SV2C: variants seen among roughly 807,000 people sequenced by gnomAD.
The protein encoded by SV2C is synaptic vesicle glycoprotein 2C.
Under a neutral mutation model 79.7 loss-of-function variants are expected in SV2C, and 49 were observed. The observed-to-expected ratio is 0.61, with a 90% CI of 0.49 to 0.78. The LOEUF is 0.78. Ranked by LOEUF, SV2C falls within the 30% of genes least tolerant of loss-of-function variation. The pLI, the probability that SV2C is intolerant of heterozygous loss-of-function variation, is 0.00. For missense variants in SV2C, 833 were observed against 912.9 expected (o/e 0.91, Z 1.13); for synonymous variants, 334 against 333.2 (o/e 1.00, Z -0.03).
chr5:76,185,101 A>T lies in SV2C; in HGVS notation c.581-9818A>T, dbSNP rs115737432. On this transcript the variant is annotated intron_variant, in intron 2 of 12. Transcript: ENST00000502798. ...CAGGCCCCATGTGAGTCCAAAATCC[A>T]GTAGGTCAGTAGTTAAACCTTAACA... Among the ~76,000 whole-genome samples, 623 of 152,378 alleles carry T rather than the reference A, an allele frequency of 4.1e-3. 5 individuals are homozygous for T. The highest frequency in any genetic ancestry group is 0.014 in the African/African-American group (599 of 41,594).
the SV2C span, among the ~76,000 whole-genome samples, chr5:76,016,242 T>G: frequency 1.3e-5 from 1 of 79,400 alleles, no homozygotes; most frequent in African/African-American, 7.7e-5. Context: ...AAGGTCTCCT[T>G]TTTTAATTTT....
chr5:76,315,491 T>C (rs537607295), intron 12 of SV2C, among the ~76,000 whole-genome samples: 145 of 152,280 alleles, frequency 9.5e-4, no homozygotes, highest in Non-Finnish European at 4.9e-4. Flanking sequence ...GTACCGGTCC[T>C]GAGAAGAGGT....
chr5:75,850,330 T>G, the SV2C span, among the ~76,000 whole-genome samples: 1 of 152,330 alleles, frequency 6.6e-6, no homozygotes, highest in Non-Finnish European at 1.5e-5. Flanking sequence ...TGATCATGTT[T>G]TTCACTTCTG....
the SV2C span, among the ~76,000 whole-genome samples, chr5:75,895,728 T>C: frequency 6.6e-6 from 1 of 152,214 alleles, no homozygotes; most frequent in African/African-American, 2.4e-5. Context: ...GTTGCTTCTT[T>C]TTCACTCCTG....
intron 12 of SV2C, among the ~76,000 whole-genome samples, chr5:76,320,251 G>A (rs1748785589): frequency 1.3e-5 from 2 of 151,674 alleles, no homozygotes; most frequent in South Asian, 4.1e-4. Context: ...GCAGAACTAT[G>A]GAAACAGTAA....
At chr5:75,983,881 C>T in the SV2C span, among the ~76,000 whole-genome samples, 2 of 152,112 alleles carry the variant, frequency 1.3e-5, no homozygotes, top group Non-Finnish European at 2.9e-5. Flanking sequence ...CTCCTTCTTG[C>T]AATGGTTTGC....
intron 2 of SV2C, among the ~76,000 whole-genome samples, chr5:76,164,851 C>G (rs972869119): frequency 6.6e-6 from 1 of 151,764 alleles, no homozygotes; most frequent in African/African-American, 2.4e-5. Flanking sequence ...GCTCAAGTCC[C>G]TTATATAAAA....
At chr5:76,119,147 G>T (rs1302719595) in intron 1 of SV2C, among the ~76,000 whole-genome samples, 1 of 152,078 alleles carries the variant, frequency 6.6e-6, no homozygotes. Context: ...AATGAATTAT[G>T]GTGTACCATA....
chr5:76,245,928 G>GTGTA (rs1554042665), intron 4 of SV2C, among the ~76,000 whole-genome samples: 1 of 140,252 alleles, frequency 7.1e-6, no homozygotes, highest in Non-Finnish European at 1.5e-5. Context: ...GTGTGTGTGT[G>GTGTA]TGTGTGTATG....
intron 2 of SV2C, among the ~76,000 whole-genome samples, chr5:76,154,952 G>A (rs1364504482): frequency 6.6e-6 from 1 of 152,128 alleles, no homozygotes; most frequent in Admixed American, 6.5e-5. Context: ...GAGGAGGGTA[G>A]ATAAAAGAAG....
intron 1 of SV2C, among the ~76,000 whole-genome samples, chr5:76,118,632 T>C (rs1010458441): frequency 1.3e-5 from 2 of 152,178 alleles, no homozygotes; most frequent in Admixed American, 1.3e-4. Context: ...TACATGCTTC[T>C]GGAATTATAA....
chr5:76,272,625 GT>G (rs1455433702), intron 4 of SV2C, among the ~76,000 whole-genome samples: 1 of 151,240 alleles, frequency 6.6e-6, no homozygotes, highest in African/African-American at 2.4e-5. Context: ...TTTGTTTTTT[GT>G]TTTGAAAGTA....
intron 2 of SV2C, among the ~76,000 whole-genome samples, chr5:76,176,146 G>A (rs1311042789): frequency 1.3e-5 from 2 of 152,148 alleles, no homozygotes; most frequent in African/African-American, 4.8e-5. Context: ...GGGAGCCAAA[G>A]TTTACTACGT....
chr5:75,911,848 A>G, the SV2C span: 1 of 544,656 alleles, frequency 1.8e-6, no homozygotes, highest in Admixed American at 1.9e-5. Flanking sequence ...ATAGGTATCT[A>G]CAAGTGAAAA....
intron 4 of SV2C, among the ~76,000 whole-genome samples, chr5:76,262,824 A>G (rs1746520528): frequency 1.3e-5 from 2 of 152,106 alleles, no homozygotes; most frequent in South Asian, 4.1e-4. Context: ...GTTCTTTTGC[A>G]TTTGCTGAGG....
At chr5:76,100,422 A>G (rs1406863929) in intron 1 of SV2C, among the ~76,000 whole-genome samples, 1 of 152,240 alleles carries the variant, frequency 6.6e-6, no homozygotes, top group Admixed American at 6.5e-5. Context: ...AAGTCACACT[A>G]GTGATTTAAT....
intron 12 of SV2C, among the ~76,000 whole-genome samples, chr5:76,305,693 C>T (rs1324286809): frequency 6.6e-6 from 1 of 152,204 alleles, no homozygotes; most frequent in East Asian, 1.9e-4. Context: ...CTGAATAGCA[C>T]TTTTCTGTGC....
chr5:76,080,416 G>A (rs1746967448), upstream of SV2C, among the ~76,000 whole-genome samples: 7 of 152,100 alleles, frequency 4.6e-5, no homozygotes. Context: ...TGGAAGCCAG[G>A]TGTAACTCTG....
chr5:76,228,352 G>A (rs1745316524), intron 4 of SV2C, among the ~76,000 whole-genome samples: 1 of 152,186 alleles, frequency 6.6e-6, no homozygotes, highest in African/African-American at 2.4e-5. Context: ...AAGACAGGCT[G>A]TGGTGACCCC....
Sources: gnomAD v4.1 joint callset for allele counts (sites outside exome capture counted in the v4.1 genomes callset) on GRCh38, gnomAD v4.1.1 for gene constraint, MANE v1.5 for transcripts, NCBI Gene and HGNC (gene_info 2026-07-23, HGNC 2026-07-21) for gene names.